Variants in RORA observed in about 807,000 individuals in gnomAD.
RORA encodes the protein RAR related orphan receptor A.
Under a neutral mutation model 69.5 loss-of-function variants are expected in RORA, and 7 were observed. The observed-to-expected ratio is 0.10, with a 90% CI of 0.06 to 0.19. The LOEUF (loss-of-function observed/expected upper bound fraction) is 0.19. Among genes scored for constraint, RORA ranks in the 10% least tolerant of loss-of-function variants. RORA has a pLI of 1.00. For synonymous variants in RORA, 261 were observed against 240.8 expected (o/e 1.08, Z -0.78); for missense variants, 457 against 663.0 (o/e 0.69, Z 3.41).
intron 1 of RORA, among the ~76,000 whole-genome samples, chr15:60,851,992 TTG>T (rs1436558587): frequency 6.6e-6 from 1 of 152,194 alleles, no homozygotes; most frequent in Non-Finnish European, 1.5e-5. Flanking sequence ...TGTGCCCACA[TTG>T]TAAAGTATTT....
At chr15:61,077,458 C>T (rs1467332157) in intron 1 of RORA, among the ~76,000 whole-genome samples, 2 of 152,158 alleles carry the variant, frequency 1.3e-5, no homozygotes, top group Non-Finnish European at 2.9e-5. Flanking sequence ...TCATTCTCGA[C>T]TATGGGTACC....
intron 1 of RORA, among the ~76,000 whole-genome samples, chr15:61,032,696 G>A (rs1200255062): frequency 6.6e-6 from 1 of 152,132 alleles, no homozygotes; most frequent in African/African-American, 2.4e-5. Flanking sequence ...ACACAGCCCA[G>A]ACATCTACCT....
At chr15:61,041,860 G>A (rs1263288156) in intron 1 of RORA, among the ~76,000 whole-genome samples, 1 of 152,218 alleles carries the variant, frequency 6.6e-6, no homozygotes, top group Non-Finnish European at 1.5e-5. Context: ...TCAGTTTCAT[G>A]TGTGTTAACT....
rs2080007356 is a variant in RORA, at chr15:61,213,003, A to G, written c.166+16050T>C. ...TTTTTTTGTTTTCTTGCCTAATGCCACATGTAACATATTGTCACCTGCTCC... is the reference window on the plus strand; with the variant it reads ...TTTTTTTGTTTTCTTGCCTAATGCCGCATGTAACATATTGTCACCTGCTCC... On this transcript the variant is annotated intron_variant, in intron 1 of 10. Transcript: ENST00000335670. This position sits in a 1 kb window ranked among gnomAD's most constrained non-coding sequence, Gnocchi z 4.1. Among the ~76,000 whole-genome samples, 1 of 151,988 alleles carries G rather than the reference A, an allele frequency of 6.6e-6. No individual in the cohort carries two copies. The highest frequency in any genetic ancestry group is 2.4e-5 in the African/African-American group (1 of 41,376).
At chr15:60,939,864 T>G (rs1892639079) in intron 1 of RORA, among the ~76,000 whole-genome samples, 1 of 152,244 alleles carries the variant, frequency 6.6e-6, no homozygotes, top group South Asian at 2.1e-4. Context: ...GCAGTGTGTG[T>G]GCACATTTCT....
At chr15:60,896,053 A>G (rs561180132) in intron 1 of RORA, among the ~76,000 whole-genome samples, 1 of 152,324 alleles carries the variant, frequency 6.6e-6, no homozygotes, top group African/African-American at 2.4e-5. Context: ...GTGGGGGCCC[A>G]TGCTGTATTT....
chr15:61,081,884 G>A (rs543482482), intron 1 of RORA, among the ~76,000 whole-genome samples: 3 of 151,392 alleles, frequency 2.0e-5, no homozygotes, highest in African/African-American at 4.8e-5. Flanking sequence ...TTGATTATTC[G>A]AATAACTAGG....
At chr15:60,925,216 G>C (rs1892177565) in intron 1 of RORA, among the ~76,000 whole-genome samples, 1 of 152,200 alleles carries the variant, frequency 6.6e-6, no homozygotes, top group Non-Finnish European at 1.5e-5. Flanking sequence ...AGCCACAGGT[G>C]TAGACTGCTC....
chr15:60,917,118 C>T (rs1015541715), intron 1 of RORA, among the ~76,000 whole-genome samples: 1 of 152,148 alleles, frequency 6.6e-6, no homozygotes, highest in Admixed American at 6.5e-5. Context: ...GGGGCCTGGA[C>T]CCAACTTCAT....
intron 1 of RORA, among the ~76,000 whole-genome samples, chr15:60,876,842 A>G (rs925506491): frequency 6.6e-6 from 1 of 152,168 alleles, no homozygotes; most frequent in African/African-American, 2.4e-5. Flanking sequence ...TCAAGATGCT[A>G]AGTGCTATTA....
chr15:61,012,954 A>G (rs531682463), intron 1 of RORA, among the ~76,000 whole-genome samples: 15 of 152,134 alleles, frequency 9.9e-5, no homozygotes, highest in Non-Finnish European at 1.8e-4. Context: ...TCCCAGCCTC[A>G]TCTAACTTCT....
chr15:61,226,066 T>C lies in RORA; in HGVS notation c.166+2987A>G, dbSNP rs2080142754. ...ATTTTGTAAGCTCAGGCAATAAAGG[T>C]ACACAGTGCATCCACACTTGGATTC... On this transcript the variant is annotated intron_variant, in intron 1 of 10. Coordinates refer to ENST00000335670, the MANE Select transcript of RORA (RefSeq NM_134261.3). This position sits in a 1 kb window ranked among gnomAD's most constrained non-coding sequence, Gnocchi z 4.2. 6.6e-6 allele frequency among the ~76,000 whole-genome samples: 1 copy of C among 152,186 alleles called. No individual in the cohort carries two copies. Among genetic ancestry groups the C allele is most frequent in the Admixed American group, 6.5e-5 (1 of 15,272 alleles).
Position 61,140,135 on chromosome 15 carries a change from C to T in RORA, c.166+88918G>A, listed in dbSNP as rs536231060. Among the ~76,000 whole-genome samples the T allele has an allele frequency of 1.9e-4, 29 of 152,276 alleles. No homozygotes were observed. In the East Asian group the frequency reaches 5.6e-3, roughly 29 times the overall value. Reference sequence around the variant, plus strand: ...AGAGAAAAATTTCTCTTCAACATGTCAATGGTCTCATTTTACCAGTGTCTG... The same window carrying T: ...AGAGAAAAATTTCTCTTCAACATGTTAATGGTCTCATTTTACCAGTGTCTG... On this transcript the variant is annotated intron_variant, in intron 1 of 10. Transcript: ENST00000335670.
At chr15:60,960,597 C>G (rs915060705) in intron 1 of RORA, among the ~76,000 whole-genome samples, 1 of 151,852 alleles carries the variant, frequency 6.6e-6, no homozygotes, top group African/African-American at 2.4e-5. Flanking sequence ...ACACCAGTTT[C>G]TCCTTAAAAT....
chr15:60,786,603 G>T (rs926959263), intron 1 of RORA, among the ~76,000 whole-genome samples: 2 of 152,308 alleles, frequency 1.3e-5, no homozygotes, highest in East Asian at 3.9e-4. Context: ...AGTGGATCAC[G>T]TGGCCTCCCT....
intron 2 of RORA, among the ~76,000 whole-genome samples, chr15:60,535,040 T>A (rs957836990): frequency 2.6e-5 from 4 of 152,224 alleles, no homozygotes; most frequent in African/African-American, 9.6e-5. Context: ...TTGCCTTTCA[T>A]CGTGTAGGCT....
intron 1 of RORA, among the ~76,000 whole-genome samples, chr15:60,880,237 C>T (rs2073663758): frequency 6.6e-6 from 1 of 152,210 alleles, no homozygotes; most frequent in Non-Finnish European, 1.5e-5. Flanking sequence ...CCACTCCTCA[C>T]CCTGGCATTG....
intron 1 of RORA, among the ~76,000 whole-genome samples, chr15:61,097,202 C>G (rs958674420): frequency 5.9e-5 from 9 of 152,200 alleles, no homozygotes; most frequent in African/African-American, 1.4e-4. Context: ...TCGGGAAAGA[C>G]TGACTCGCAA....
intron 1 of RORA, 50 bp downstream of exon 1, chr15:61,229,003 C>G: frequency 8.9e-7 from 1 of 1,121,302 alleles, no homozygotes; most frequent in Non-Finnish European, 1.1e-6. Context: ...CCCCCCGCTC[C>G]GCGCCCGGGC....
Sources: allele counts gnomAD v4.1 joint callset (sites outside exome capture counted in the v4.1 genomes callset), GRCh38; gene constraint gnomAD v4.1.1; non-coding constraint Gnocchi (gnomAD v3.1); transcripts MANE v1.5; gene names NCBI Gene and HGNC (gene_info 2026-07-23, HGNC 2026-07-21).